DTWD2: variants seen among roughly 807,000 people sequenced by gnomAD.
DTWD2 encodes the protein tRNA-uridine aminocarboxypropyltransferase 2.
A neutral mutation model predicts 31.8 loss-of-function variants in DTWD2; 39 were observed. The observed-to-expected ratio is 1.22, with a 90% CI of 0.95 to 1.60. DTWD2 has a LOEUF of 1.60. DTWD2 is among the 40% of genes most tolerant of loss of function. The pLI, the probability that DTWD2 is intolerant of heterozygous loss-of-function variation, is 0.00. For missense variants in DTWD2, 515 were observed against 381.5 expected, an observed-to-expected ratio of 1.35 and a Z score of -2.92; for synonymous variants, 180 against 142.8, an observed-to-expected ratio of 1.26 and a Z score of -1.86.
chr5:118,963,574 G>T (rs1479495188), intron 1 of DTWD2, among the ~76,000 whole-genome samples: 1 of 152,162 alleles, frequency 6.6e-6, no homozygotes, highest in Admixed American at 6.5e-5. Flanking sequence ...AATAAAATGA[G>T]CAGACAGACA....
intron 4 of DTWD2, among the ~76,000 whole-genome samples, chr5:118,917,618 T>A (rs572972278): frequency 6.6e-6 from 1 of 152,232 alleles, no homozygotes; most frequent in Non-Finnish European, 1.5e-5. Flanking sequence ...AGCAAACATG[T>A]CCTTCACATG....
At chr5:118,848,952 G>A (rs1247886323) in intron 4 of DTWD2, among the ~76,000 whole-genome samples, 1 of 152,152 alleles carries the variant, frequency 6.6e-6, no homozygotes, top group East Asian at 1.9e-4. Context: ...ATACCATCCA[G>A]GACACAGGCA....
chr5:118,844,756 G>A (rs566682969), intron 5 of DTWD2, among the ~76,000 whole-genome samples: 2 of 152,318 alleles, frequency 1.3e-5, no homozygotes, highest in Non-Finnish European at 2.9e-5. Context: ...GAGTGAGGAT[G>A]AGACAACAGA....
chr5:118,931,984 C>A (rs1238515462), intron 3 of DTWD2, among the ~76,000 whole-genome samples: 1 of 152,036 alleles, frequency 6.6e-6, no homozygotes, highest in Non-Finnish European at 1.5e-5. Flanking sequence ...AACCACGGGT[C>A]AAGAGATAAG....
chr5:118,923,964 GAGC>G (rs1753758052), intron 4 of DTWD2, among the ~76,000 whole-genome samples: 2 of 152,160 alleles, frequency 1.3e-5, no homozygotes, highest in Non-Finnish European at 2.9e-5. Flanking sequence ...AAAAATTCAA[GAGC>G]TGTCATAATT....
At chr5:118,901,972 C>A (rs1475995952) in intron 4 of DTWD2, among the ~76,000 whole-genome samples, 1 of 152,088 alleles carries the variant, frequency 6.6e-6, no homozygotes. Flanking sequence ...CTATAACCTC[C>A]AATTCTTTTT....
intron 4 of DTWD2, among the ~76,000 whole-genome samples, chr5:118,909,241 A>G (rs1295492585): frequency 6.6e-6 from 1 of 152,190 alleles, no homozygotes; most frequent in Non-Finnish European, 1.5e-5. Flanking sequence ...CTTCTCAGCA[A>G]AAGACTCTAA....
At chr5:118,900,325 T>C (rs1753177114) in intron 4 of DTWD2, among the ~76,000 whole-genome samples, 1 of 152,176 alleles carries the variant, frequency 6.6e-6, no homozygotes, top group African/African-American at 2.4e-5. Context: ...AAAAACTTTT[T>C]CCCTTAATTA....
chr5:118,880,246 CT>C (rs1422236754), intron 4 of DTWD2, among the ~76,000 whole-genome samples: 1 of 152,190 alleles, frequency 6.6e-6, no homozygotes, highest in Non-Finnish European at 1.5e-5. Context: ...TTTACCATCT[CT>C]AAAATTAGGA....
chr5:118,857,267 T>C (rs1453188187), intron 4 of DTWD2, among the ~76,000 whole-genome samples: 2 of 152,190 alleles, frequency 1.3e-5, no homozygotes, highest in Non-Finnish European at 2.9e-5. Flanking sequence ...TTTGTGGTTT[T>C]TTAAATTAAG....
chr5:118,960,436 G>T (rs1754680388), intron 1 of DTWD2, among the ~76,000 whole-genome samples: 1 of 152,148 alleles, frequency 6.6e-6, no homozygotes, highest in Non-Finnish European at 1.5e-5. Context: ...AAGAGATGCT[G>T]GCAAGACTGC....
intron 1 of DTWD2, among the ~76,000 whole-genome samples, chr5:118,966,828 G>T (rs112258616): frequency 6.6e-6 from 1 of 151,986 alleles, no homozygotes; most frequent in Non-Finnish European, 1.5e-5. Context: ...TCAGGAGTGC[G>T]AGAACAGCCT....
intron 4 of DTWD2, among the ~76,000 whole-genome samples, chr5:118,915,436 G>C (rs572225806): frequency 4.7e-5 from 7 of 149,354 alleles, no homozygotes; most frequent in Non-Finnish European, 7.4e-5. Flanking sequence ...GTGCAGTGGC[G>C]CAATCTCGGC....
Position 118,922,274 on chromosome 5 carries a change from C to A in DTWD2, c.597+6263G>T, listed in dbSNP as rs759260110. ...ATTATGTAAGTATGAAGTTCACATACGGCTAGTTACTGATTAGGAGGGCGA... is the reference window on the plus strand; with the variant it reads ...ATTATGTAAGTATGAAGTTCACATAAGGCTAGTTACTGATTAGGAGGGCGA... On this transcript the variant is annotated intron_variant, in intron 4 of 5. Coordinates refer to ENST00000510708, the MANE Select transcript of DTWD2 (RefSeq NM_173666.4). Among the ~76,000 whole-genome samples the A allele has an allele frequency of 3.3e-5, 5 of 152,170 alleles. No individual in the cohort carries two copies. In the East Asian group the frequency reaches 9.6e-4, roughly 29 times the overall value.
chr5:118,849,148 G>C (rs946299982), intron 4 of DTWD2, among the ~76,000 whole-genome samples: 1 of 152,112 alleles, frequency 6.6e-6, no homozygotes, highest in African/African-American at 2.4e-5. Context: ...CTAGTATCCA[G>C]AATCTACAAG....
intron 4 of DTWD2, among the ~76,000 whole-genome samples, chr5:118,849,639 A>G (rs1275658772): frequency 6.6e-6 from 1 of 152,220 alleles, no homozygotes; most frequent in East Asian, 1.9e-4. Flanking sequence ...ATGCCTATCA[A>G]TGACAGACTG....
intron 4 of DTWD2, among the ~76,000 whole-genome samples, chr5:118,871,566 A>C (rs1234577942): frequency 6.6e-6 from 1 of 152,222 alleles, no homozygotes; most frequent in African/African-American, 2.4e-5. Context: ...TCCTTTATAC[A>C]TCTTCATCAG....
rs1442273082 is a variant in DTWD2, at chr5:118,838,005, T to C, written c.*2912A>G. On this transcript the variant is annotated 3_prime_UTR_variant, in exon 6 of 6. Coordinates refer to ENST00000510708, the MANE Select transcript of DTWD2 (RefSeq NM_173666.4). ...AATATATGAAAAATATTACTGGTCA[T>C]GACTAAGAAAAGTGTCTCTGGAGTC... The C allele has an allele frequency of 6.6e-6, 1 of 152,206 alleles. No individual in the cohort carries two copies. Among genetic ancestry groups the C allele is most frequent in the Non-Finnish European group, 1.5e-5 (1 of 68,030 alleles). The allele number at this position is 152,206 out of a possible 1,614,324, so 9.4% of individuals were successfully genotyped here.
chr5:118,944,994 A>G (rs1754300317), intron 1 of DTWD2, among the ~76,000 whole-genome samples: 2 of 152,212 alleles, frequency 1.3e-5, no homozygotes, highest in African/African-American at 4.8e-5. Flanking sequence ...ATCTCATATC[A>G]AAGAGAAACC....
Sources: allele counts gnomAD v4.1 joint callset (sites outside exome capture counted in the v4.1 genomes callset), GRCh38; gene constraint gnomAD v4.1.1; transcripts MANE v1.5; gene names NCBI Gene and HGNC (gene_info 2026-07-23, HGNC 2026-07-21).